EEA1: variants seen among roughly 807,000 people sequenced by gnomAD.
The protein encoded by EEA1 is early endosome antigen 1, 162kD.
Under a neutral mutation model 209.2 loss-of-function variants are expected in EEA1, and 111 were observed. The ratio of observed to expected loss-of-function variants is 0.53; its 90% CI spans 0.45 to 0.62. EEA1 has a LOEUF of 0.62. Ranked by LOEUF, EEA1 falls within the 20% of genes least tolerant of loss-of-function variation. The pLI is 0.00. For missense variants in EEA1, 1,343 were observed against 1,530.8 expected (o/e 0.88, Z 2.05); for synonymous variants, 536 against 540.6 (o/e 0.99, Z 0.12).
chr12:92,912,866 C>A lies in EEA1; in HGVS notation c.24+16177G>T, dbSNP rs565073106. Among the ~76,000 whole-genome samples the A allele has an allele frequency of 2.0e-4, 31 of 152,328 alleles. No individual in the cohort carries two copies. In the East Asian group the frequency reaches 5.6e-3, roughly 27 times the overall value. Reference sequence around the variant, plus strand: ...GTTCCATCCCTGTTGCTACAAAAGACATGATCTCATTCTTTTTTATGGCTG... The same window carrying A: ...GTTCCATCCCTGTTGCTACAAAAGAAATGATCTCATTCTTTTTTATGGCTG... On this transcript the variant is annotated intron_variant, in intron 1 of 28. Coordinates refer to ENST00000322349, the MANE Select transcript of EEA1 (RefSeq NM_003566.4).
intron 8 of EEA1, 68 bp downstream of exon 8, chr12:92,852,107 G>C (rs1264697109): frequency 8.0e-7 from 1 of 1,248,570 alleles, no homozygotes; most frequent in Non-Finnish European, 1.1e-6. Context: ...TTTTCCTTCA[G>C]GGTATGTATT....
chr12:92,782,596 A>G (rs923133538), intron 22 of EEA1, among the ~76,000 whole-genome samples: 3 of 152,252 alleles, frequency 2.0e-5, no homozygotes, highest in Non-Finnish European at 4.4e-5. Flanking sequence ...GGTAGGTTCT[A>G]TGATGTCCCT....
chr12:92,926,478 G>C (rs565788874), intron 1 of EEA1, among the ~76,000 whole-genome samples: 1 of 152,254 alleles, frequency 6.6e-6, no homozygotes, highest in African/African-American at 2.4e-5. Flanking sequence ...ACCACTTGTA[G>C]AGTTAATAAA....
intron 25 of EEA1, 94 bp downstream of exon 25, chr12:92,779,021 C>G: frequency 9.2e-7 from 1 of 1,085,962 alleles, no homozygotes; most frequent in Non-Finnish European, 1.3e-6. Context: ...GTTAGGAAAG[C>G]ATTTCAATCA....
chr12:92,873,872 T>A (rs936604531), intron 2 of EEA1, among the ~76,000 whole-genome samples: 1 of 152,234 alleles, frequency 6.6e-6, no homozygotes, highest in Non-Finnish European at 1.5e-5. Flanking sequence ...TTACTTTAAT[T>A]ATTCCTTTTG....
intron 2 of EEA1, among the ~76,000 whole-genome samples, chr12:92,889,693 G>GT (rs1417991209): frequency 6.6e-6 from 1 of 152,192 alleles, no homozygotes; most frequent in East Asian, 1.9e-4. Context: ...GAGGTCAGGT[G>GT]TTTGAGACCA....
intron 10 of EEA1, among the ~76,000 whole-genome samples, chr12:92,837,490 A>T (rs1281678110): frequency 6.6e-6 from 1 of 152,216 alleles, no homozygotes; most frequent in Non-Finnish European, 1.5e-5. Context: ...AGAGCAATGG[A>T]GAAAAGCGAT....
rs183171556 is a variant in EEA1 at position 92,879,476 on chromosome 12, T to C, written c.117+12153A>G. The C allele has an allele frequency of 1.1e-3, 352 of 326,900 alleles. 1 individual carries two copies. Among genetic ancestry groups the C allele is most frequent in the African/African-American group, 7.5e-3 (332 of 44,160 alleles). 20.2% of individuals were successfully genotyped at this position (326,900 alleles called of 1,614,324 possible). A position where few individuals can be genotyped will look rare whatever the true frequency, so the allele number is the denominator to read the frequency against. On this transcript the variant is annotated intron_variant, in intron 2 of 28. Coordinates refer to ENST00000322349, the MANE Select transcript of EEA1 (RefSeq NM_003566.4). Reference sequence around the variant, plus strand: ...TCTTCACAGTAACGGAAAGAGAAAATCATATTATCATCTCAATAGATGTGG... The same window carrying C: ...TCTTCACAGTAACGGAAAGAGAAAACCATATTATCATCTCAATAGATGTGG...
At chr12:92,844,596 T>C (rs929424402) in intron 9 of EEA1, among the ~76,000 whole-genome samples, 5 of 152,154 alleles carry the variant, frequency 3.3e-5, no homozygotes, top group African/African-American at 1.2e-4. Context: ...ATTTAGCTAC[T>C]GTGAGTTTAT....
At chr12:92,879,347 G>A (rs1182795183) in intron 2 of EEA1, 1 of 450,788 alleles carries the variant, frequency 2.2e-6, no homozygotes, top group Non-Finnish European at 4.4e-6. Context: ...TGAATTTTCA[G>A]ATTAGGGATG....
chr12:92,815,797 T>C (rs150894406), intron 15 of EEA1, among the ~76,000 whole-genome samples: 1 of 152,144 alleles, frequency 6.6e-6, no homozygotes, highest in East Asian at 1.9e-4. Flanking sequence ...AATCTAATGG[T>C]ATAATATCTA....
At position 92,891,610 on chromosome 12, in the gene EEA1, C is replaced by A; in HGVS notation, c.117+19G>T. 1 of 1,539,710 alleles carries A rather than the reference C, an allele frequency of 6.5e-7. No individual in the cohort carries two copies. The highest frequency in any genetic ancestry group is 1.2e-5 in the South Asian group (1 of 81,022). On this transcript the variant is annotated intron_variant, in intron 2 of 28. Coordinates refer to ENST00000322349, the MANE Select transcript of EEA1 (RefSeq NM_003566.4). Reference sequence around the variant, plus strand: ...TTCCCTTAATATTGAATTTTATTGCCAAGTTATTATTTTCATACCTCTGAA... The same window carrying A: ...TTCCCTTAATATTGAATTTTATTGCAAAGTTATTATTTTCATACCTCTGAA...
intron 2 of EEA1, among the ~76,000 whole-genome samples, chr12:92,869,790 G>GAAAAAAAAAAAAAAAAAAAAAAAAA (rs1230847458): frequency 2.9e-5 from 2 of 69,054 alleles, no homozygotes; most frequent in Non-Finnish European, 3.2e-5. Flanking sequence ...AAAAAAAAAG[G>GAAAAAAAAAAAAAAAAAAAAAAAAA]AAAGCCCTTA....
At chr12:92,907,594 T>C (rs577426424) in intron 1 of EEA1, among the ~76,000 whole-genome samples, 51 of 152,290 alleles carry the variant, frequency 3.3e-4, no homozygotes, top group Non-Finnish European at 6.5e-4. Context: ...ACCTGGACGA[T>C]AAAAGAGACC....
At chr12:92,844,979 TATTA>T (rs1877330143) in intron 9 of EEA1, among the ~76,000 whole-genome samples, 1 of 152,050 alleles carries the variant, frequency 6.6e-6, no homozygotes, top group African/African-American at 2.4e-5. Context: ...GAATTTTCCT[TATTA>T]AATAAGGAAA....
intron 1 of EEA1, among the ~76,000 whole-genome samples, chr12:92,911,117 G>C (rs1880567646): frequency 6.6e-6 from 1 of 150,402 alleles, no homozygotes; most frequent in South Asian, 2.1e-4. Flanking sequence ...ATACAATTCA[G>C]TAATCACACT....
chr12:92,804,860 T>C (rs1241308182), intron 18 of EEA1, among the ~76,000 whole-genome samples: 1 of 152,108 alleles, frequency 6.6e-6, no homozygotes, highest in Non-Finnish European at 1.5e-5. Context: ...GTTTATCTGA[T>C]ATAAGAGCAG....
At chr12:92,842,756 A>T (rs1437530392) in intron 9 of EEA1, among the ~76,000 whole-genome samples, 175 bp from the exon 10 acceptor site, 1 of 152,172 alleles carries the variant, frequency 6.6e-6, no homozygotes, top group African/African-American at 2.4e-5. Flanking sequence ...CTTACGACAA[A>T]TTTTTACAAT....
chr12:92,871,750 T>C (rs1390186293), intron 2 of EEA1, among the ~76,000 whole-genome samples: 2 of 152,242 alleles, frequency 1.3e-5, no homozygotes, highest in African/African-American at 4.8e-5. Context: ...ATTGGTTCAA[T>C]TCCTTTTCAT....
Sources: gnomAD v4.1 joint callset for allele counts (sites outside exome capture counted in the v4.1 genomes callset) on GRCh38, gnomAD v4.1.1 for gene constraint, MANE v1.5 for transcripts, NCBI Gene and HGNC (gene_info 2026-07-23, HGNC 2026-07-21) for gene names.